NEMP2: variants seen among roughly 807,000 people sequenced by gnomAD.
NEMP2 encodes nuclear envelope integral membrane protein 2, also known as UPF0571 transmembrane protein.
A neutral mutation model predicts 54.2 loss-of-function variants in NEMP2; 53 were observed. The observed-to-expected ratio is 0.98, with a 90% CI of 0.78 to 1.23. The LOEUF is 1.23. Among genes scored for constraint, NEMP2 ranks in the 50% most tolerant of loss-of-function variants. The probability of loss-of-function intolerance (pLI) is 0.00; values close to 1 mark genes in which losing one functional copy is unlikely to be tolerated. For synonymous variants in NEMP2, 197 were observed against 190.3 expected (o/e 1.04, Z -0.29); for missense variants, 455 against 511.3 (o/e 0.89, Z 1.06).
chr2:190,609,875 C>T, the NEMP2 span: 3 of 152,086 alleles, frequency 2.0e-5, no homozygotes, highest in South Asian at 2.1e-4. The surrounding 1 kb of genome is among the most constrained non-coding windows in gnomAD (Gnocchi z 4.7). Context: ...GGCTCTATTT[C>T]GGGGGCCTAG....
the NEMP2 span, among the ~76,000 whole-genome samples, chr2:190,627,025 A>C: frequency 2.7e-3 from 404 of 152,330 alleles, 1 homozygote; most frequent in Non-Finnish European, 4.9e-3. This position sits in a 1 kb window ranked among gnomAD's most constrained non-coding sequence, Gnocchi z 4.4. Flanking sequence ...TTTGAAATGG[A>C]TTAACATCTA....
rs746806470 is a variant in NEMP2 at position 190,519,032 on chromosome 2, T to C, written c.365A>G (p.Asn122Ser). ...KESNEITIII[N>S]PYRETVCFSV... is the part of the protein sequence containing the mutation. ...GAAGCACACAGTCTCCCTGTATGGATTGATGATTATGGTTATTTCGTTAGA... is the reference window on the plus strand; with the variant it reads ...GAAGCACACAGTCTCCCTGTATGGACTGATGATTATGGTTATTTCGTTAGA... Residue 122 changes from asparagine (N) to serine (S), a missense_variant, in exon 3 of 9, where the codon AAT becomes AGT. Transcript: ENST00000409150. This position sits in a 1 kb window ranked among gnomAD's most constrained non-coding sequence, Gnocchi z 5.4. 42 of 1,551,314 alleles carry C rather than the reference T, an allele frequency of 2.7e-5. No individual in the cohort carries two copies. In the South Asian group the frequency reaches 4.4e-4, roughly 16 times the overall value.
At chr2:190,545,514 A>G in the NEMP2 span, among the ~76,000 whole-genome samples, 1 of 152,226 alleles carries the variant, frequency 6.6e-6, no homozygotes, top group Non-Finnish European at 1.5e-5. Context: ...GTTTTTTGAT[A>G]ATGAAAGAGA....
the NEMP2 span, chr2:190,497,351 G>T: frequency 6.9e-7 from 1 of 1,447,582 alleles, no homozygotes; most frequent in East Asian, 2.3e-5. The surrounding 1 kb of genome is among the most constrained non-coding windows in gnomAD (Gnocchi z 5.2). Flanking sequence ...TGGGTATATG[G>T]GATTCTTGGT....
At chr2:190,601,412 C>G in the NEMP2 span, among the ~76,000 whole-genome samples, 3 of 152,000 alleles carry the variant, frequency 2.0e-5, no homozygotes, top group Admixed American at 2.0e-4. The surrounding 1 kb of genome is among the most constrained non-coding windows in gnomAD (Gnocchi z 5.8). Context: ...GTTATGGCCA[C>G]CCTAGGAAAC....
chr2:190,499,849 G>A (rs1689932316), downstream of NEMP2: 12 of 1,547,292 alleles, frequency 7.8e-6, no homozygotes, highest in Non-Finnish European at 9.6e-6. The surrounding 1 kb of genome is among the most constrained non-coding windows in gnomAD (Gnocchi z 6.0). Flanking sequence ...TAGGAAAGGA[G>A]ATGAAAGGTA....
the NEMP2 span, among the ~76,000 whole-genome samples, chr2:190,452,650 C>T: frequency 6.6e-6 from 1 of 152,186 alleles, no homozygotes; most frequent in Non-Finnish European, 1.5e-5. Flanking sequence ...ACCTCTTAGT[C>T]TTCCTCATTT....
At chr2:190,598,456 C>T in the NEMP2 span, among the ~76,000 whole-genome samples, 1 of 152,220 alleles carries the variant, frequency 6.6e-6, no homozygotes. Flanking sequence ...CTTTTCTACA[C>T]TTCTTAATGG....
At chr2:190,569,482 T>G in the NEMP2 span, among the ~76,000 whole-genome samples, 3 of 152,216 alleles carry the variant, frequency 2.0e-5, no homozygotes, top group African/African-American at 7.2e-5. Flanking sequence ...TGCTTGTAGT[T>G]TCCCAATTTT....
the NEMP2 span, among the ~76,000 whole-genome samples, chr2:190,569,518 A>G: frequency 1.3e-5 from 2 of 152,242 alleles, no homozygotes; most frequent in African/African-American, 2.4e-5. Flanking sequence ...CTTCCATACC[A>G]GGAGATAAGC....
At chr2:190,477,906 G>C in the NEMP2 span, among the ~76,000 whole-genome samples, 1 of 152,072 alleles carries the variant, frequency 6.6e-6, no homozygotes, top group African/African-American at 2.4e-5. Flanking sequence ...GGGCGAATAG[G>C]AATCTACCAG....
At chr2:190,561,748 C>CA in the NEMP2 span, among the ~76,000 whole-genome samples, 1 of 152,088 alleles carries the variant, frequency 6.6e-6, no homozygotes, top group Non-Finnish European at 1.5e-5. This position sits in a 1 kb window ranked among gnomAD's most constrained non-coding sequence, Gnocchi z 5.4. Flanking sequence ...CAAATACAGG[C>CA]ATTTATATAT....
the NEMP2 span, among the ~76,000 whole-genome samples, chr2:190,472,663 G>A: frequency 1.3e-5 from 2 of 152,298 alleles, no homozygotes; most frequent in South Asian, 2.1e-4. Flanking sequence ...AAAACACTCT[G>A]CAGGATATTA....
At chr2:190,536,483 G>T (rs1457380724), upstream of NEMP2, among the ~76,000 whole-genome samples, 1 of 152,190 alleles carries the variant, frequency 6.6e-6, no homozygotes. Context: ...ATAAAGGAAG[G>T]ATTTGGCTGC....
At chr2:190,443,642 C>T in the NEMP2 span, among the ~76,000 whole-genome samples, 1 of 152,158 alleles carries the variant, frequency 6.6e-6, no homozygotes, top group Non-Finnish European at 1.5e-5. This position sits in a 1 kb window ranked among gnomAD's most constrained non-coding sequence, Gnocchi z 4.2. Context: ...TTTTTCTCCC[C>T]AAATTTCTGA....
chr2:190,555,542 C>T, the NEMP2 span, among the ~76,000 whole-genome samples: 1 of 151,034 alleles, frequency 6.6e-6, no homozygotes, highest in Admixed American at 6.6e-5. The surrounding 1 kb of genome is among the most constrained non-coding windows in gnomAD (Gnocchi z 4.8). Flanking sequence ...TATCAATAGC[C>T]AAATTGATCA....
chr2:190,575,006 C>G, the NEMP2 span, among the ~76,000 whole-genome samples: 2 of 152,034 alleles, frequency 1.3e-5, no homozygotes, highest in African/African-American at 2.4e-5. Flanking sequence ...AGGTGCCCAC[C>G]ACCATGCCCG....
the NEMP2 span, among the ~76,000 whole-genome samples, chr2:190,602,469 A>G: frequency 1.3e-5 from 2 of 152,240 alleles, no homozygotes; most frequent in Non-Finnish European, 2.9e-5. Context: ...TTTAATGTTA[A>G]TCACATCTTT....
rs13395233 is a variant in NEMP2, at chr2:190,519,198, C to T, written c.214-15G>A. 10 of 1,491,436 alleles carry T rather than the reference C, an allele frequency of 6.7e-6. No individual in the cohort carries two copies. The highest frequency in any genetic ancestry group is 1.7e-4 in the Middle Eastern group (1 of 5,808). 92.4% of individuals were successfully genotyped at this position (1,491,436 alleles called of 1,614,324 possible). A position where few individuals can be genotyped will look rare whatever the true frequency, so the allele number is the denominator to read the frequency against. On this transcript the variant is annotated splice_polypyrimidine_tract_variant and intron_variant, in intron 2 of 8. Transcript: ENST00000409150. The surrounding 1 kb of genome is among the most constrained non-coding windows in gnomAD (Gnocchi z 5.4). ...GTAATTTTCACCTGTAAAACAAGAA[C>T]AAGCAAATCCATAAACAGAATAACT...
Sources: gnomAD v4.1 joint callset for allele counts (sites outside exome capture counted in the v4.1 genomes callset) on GRCh38, gnomAD v4.1.1 for gene constraint, Gnocchi (gnomAD v3.1) non-coding constraint, MANE v1.5 for transcripts, NCBI Gene and HGNC (gene_info 2026-07-23, HGNC 2026-07-21) for gene names.